The following NDUFA5 variants were observed in gnomAD, a reference collection of about 807,000 sequenced individuals.
NDUFA5 encodes NADH dehydrogenase [ubiquinone] 1 alpha subcomplex subunit 5.
Under a neutral mutation model 19.8 loss-of-function variants are expected in NDUFA5, and 11 were observed. The ratio of observed to expected loss-of-function variants is 0.56; its 90% confidence interval spans 0.35 to 0.92. The LOEUF (loss-of-function observed/expected upper bound fraction) is 0.92, where lower values mean the gene tolerates loss of function less well. Ranked by LOEUF, NDUFA5 falls within the 40% of genes least tolerant of loss-of-function variation. NDUFA5 has a pLI of 0.01. For synonymous variants in NDUFA5, 47 were observed against 46.8 expected, an observed-to-expected ratio of 1.00 and a Z score of -0.01; for missense variants, 109 against 134.2, an observed-to-expected ratio of 0.81 and a Z score of 0.93.
At chr7:123,559,314 GAA>G (rs59276373), upstream of NDUFA5, among the ~76,000 whole-genome samples, 18 of 141,788 alleles carry the variant, frequency 1.3e-4, no homozygotes, top group South Asian at 6.7e-4. Flanking sequence ...GAATTAGCAA[GAA>G]AAAAAAAAAA....
the NDUFA5 span, among the ~76,000 whole-genome samples, chr7:123,593,056 G>C: frequency 6.6e-6 from 1 of 151,616 alleles, no homozygotes; most frequent in South Asian, 2.1e-4. Flanking sequence ...ATCTTTGTTG[G>C]TTTAAAGTTT....
the NDUFA5 span, among the ~76,000 whole-genome samples, chr7:123,572,510 T>C: frequency 6.6e-6 from 1 of 152,144 alleles, no homozygotes; most frequent in South Asian, 2.1e-4. Context: ...ATATATTTTA[T>C]GTTCTTTTCA....
chr7:123,573,892 A>T, the NDUFA5 span, among the ~76,000 whole-genome samples: 1 of 152,192 alleles, frequency 6.6e-6, no homozygotes, highest in South Asian at 2.1e-4. Context: ...AATTAAAAAA[A>T]AACTACCATT....
chr7:123,580,235 C>A, the NDUFA5 span, among the ~76,000 whole-genome samples: 1 of 152,004 alleles, frequency 6.6e-6, no homozygotes, highest in Non-Finnish European at 1.5e-5. Flanking sequence ...GTTCAGAGAG[C>A]AAACAGGAGT....
rs1484314478 is a variant in NDUFA5, at chr7:123,557,417, T to C, written c.53A>G (p.Asn18Ser). 19 of 1,613,350 alleles carry C rather than the reference T, an allele frequency of 1.2e-5. No individual in the cohort carries two copies. Among genetic ancestry groups the C allele is most frequent in the African/African-American group, 4.0e-5 (3 of 74,866 alleles). The change falls in exon 2 of 5, where the codon AAT (asparagine) becomes AGT (serine). Residue 18 changes from asparagine to serine, a missense_variant. By Grantham distance (46) the Asn-to-Ser change is conservative. Coordinates refer to ENST00000355749, the MANE Select transcript of NDUFA5 (RefSeq NM_005000.5). ...AAAGGTACATACCTCGTGAGGAGTA[T>C]TGCACACAGCCAATCCCACAAGGCC... ...TTGLVGLAVC[N>S]TPHERLRILY... is the part of the protein sequence containing the mutation.
the NDUFA5 span, among the ~76,000 whole-genome samples, chr7:123,566,444 T>A: frequency 6.6e-6 from 1 of 152,136 alleles, no homozygotes; most frequent in African/African-American, 2.4e-5. Context: ...CCCTGAGAAA[T>A]AGATTAGTTT....
rs948946362 is a variant in NDUFA5 at position 123,550,404 on chromosome 7, A to C, written c.183+66T>G. 42 of 865,644 alleles carry C rather than the reference A, an allele frequency of 4.9e-5. No individual in the cohort carries two copies. The African/African-American group carries it at 6.3e-4, about 13-fold the overall frequency. 53.6% of individuals were successfully genotyped at this position (865,644 alleles called of 1,614,324 possible). A position where few individuals can be genotyped will look rare whatever the true frequency, so the allele number is the denominator to read the frequency against. ...AAGAAAAGTGTGTCGAATATATAAA[A>C]AATAAGGAACTAAACTTTTTTGGTT... On this transcript the variant is annotated intron_variant, in intron 3 of 4. Coordinates refer to ENST00000355749, the MANE Select transcript of NDUFA5 (RefSeq NM_005000.5).
the NDUFA5 span, among the ~76,000 whole-genome samples, chr7:123,564,912 CA>C: frequency 6.6e-6 from 1 of 151,724 alleles, no homozygotes; most frequent in Non-Finnish European, 1.5e-5. Flanking sequence ...CACACACACA[CA>C]CACACACATA....
the NDUFA5 span, among the ~76,000 whole-genome samples, chr7:123,570,029 CTTTTTTTTTTT>C: frequency 1.1e-5 from 1 of 88,176 alleles, no homozygotes; most frequent in African/African-American, 4.5e-5. Context: ...ACTGCCATAG[CTTTTTTTTTTT>C]TTTTTTTTTT....
At position 123,539,563 on chromosome 7, in the gene NDUFA5, G is replaced by A. The variant is rs1391408262; in HGVS notation, c.*2556C>T. On this transcript the variant is annotated 3_prime_UTR_variant, in exon 5 of 5. Transcript: ENST00000355749. ...GAAAATTATTAAAATTAGTTTAGTA[G>A]CCACTCAAAACACTGAAGATCTCTG... 1 of 152,148 alleles carries A rather than the reference G, an allele frequency of 6.6e-6. No individual in the cohort carries two copies. Among genetic ancestry groups the A allele is most frequent in the Non-Finnish European group, 1.5e-5 (1 of 68,020 alleles). The allele number at this position is 152,148 out of a possible 1,614,324, so 9.4% of individuals were successfully genotyped here.
In NDUFA5 at chr7:123,542,361, G is replaced by A. The variant is rs186841516; in HGVS notation, c.250-141C>T. 3 of 576,594 alleles carry A rather than the reference G, an allele frequency of 5.2e-6. No individual in the cohort carries two copies. The South Asian group carries it at 7.0e-5, about 13-fold the overall frequency. The allele number at this position is 576,594 out of a possible 1,614,324, so 35.7% of individuals were successfully genotyped here. ...TCCACCATCAAATGTTGAATATTAAGTAATTAAATTACCTTAATTCTCACA... is the reference window on the plus strand; with the variant it reads ...TCCACCATCAAATGTTGAATATTAAATAATTAAATTACCTTAATTCTCACA... On this transcript the variant is annotated intron_variant, in intron 4 of 4. Coordinates refer to ENST00000355749, the MANE Select transcript of NDUFA5 (RefSeq NM_005000.5).
upstream of NDUFA5, among the ~76,000 whole-genome samples, chr7:123,560,815 T>G (rs2116230075): frequency 6.6e-6 from 1 of 152,282 alleles, no homozygotes; most frequent in Non-Finnish European, 1.5e-5. Context: ...CATCTCCAAA[T>G]ACCATTTTAT....
chr7:123,585,474 G>A, the NDUFA5 span, among the ~76,000 whole-genome samples: 4 of 151,742 alleles, frequency 2.6e-5, no homozygotes, highest in African/African-American at 7.2e-5. Flanking sequence ...TCTTACTTAC[G>A]TTTATGCTTT....
chr7:123,599,897 A>G, the NDUFA5 span, among the ~76,000 whole-genome samples: 3 of 152,168 alleles, frequency 2.0e-5, no homozygotes, highest in Non-Finnish European at 4.4e-5. Flanking sequence ...TCACCAGACA[A>G]AACTAGAGGC....
chr7:123,591,735 A>T, the NDUFA5 span, among the ~76,000 whole-genome samples: 2 of 152,186 alleles, frequency 1.3e-5, no homozygotes, highest in Non-Finnish European at 2.9e-5. Context: ...ATCGATGTTC[A>T]TCAGGGATAT....
At chr7:123,580,458 G>A in the NDUFA5 span, among the ~76,000 whole-genome samples, 1 of 151,998 alleles carries the variant, frequency 6.6e-6, no homozygotes, top group Non-Finnish European at 1.5e-5. Context: ...GCTCAGGGTA[G>A]TTATGTGGCC....
At chr7:123,563,834 T>A in the NDUFA5 span, among the ~76,000 whole-genome samples, 1 of 152,186 alleles carries the variant, frequency 6.6e-6, no homozygotes, top group African/African-American at 2.4e-5. Flanking sequence ...CTAAGGGTTC[T>A]AAACAGGAAG....
At chr7:123,546,749 A>T (rs1475521587) in intron 3 of NDUFA5, 1 of 1,210,102 alleles carries the variant, frequency 8.3e-7, no homozygotes, top group Non-Finnish European at 1.1e-6. Flanking sequence ...TTTCTTCACC[A>T]CTTTTCAAAT....
intron 3 of NDUFA5, among the ~76,000 whole-genome samples, chr7:123,548,869 G>C (rs1026663917): frequency 2.8e-4 from 43 of 151,980 alleles, no homozygotes; most frequent in African/African-American, 1.0e-3. Flanking sequence ...AGCACAGTTG[G>C]CCCTCAGGAT....
Sources: allele counts gnomAD v4.1 joint callset (sites outside exome capture counted in the v4.1 genomes callset), GRCh38; gene constraint gnomAD v4.1.1; transcripts MANE v1.5; gene names NCBI Gene and HGNC (gene_info 2026-07-23, HGNC 2026-07-21).